The following SLCO1A2 variants were observed in gnomAD, a reference collection of about 807,000 sequenced individuals.
SLCO1A2 encodes solute carrier organic anion transporter family member 1A2, also known as OATP-1.
A neutral mutation model predicts 69.0 loss-of-function variants in SLCO1A2; 67 were observed. The ratio of observed to expected loss-of-function variants is 0.97; its 90% confidence interval spans 0.80 to 1.19. The LOEUF is 1.19. SLCO1A2 is among the 50% of genes most tolerant of loss of function. SLCO1A2 has a pLI of 0.00. For synonymous variants in SLCO1A2, 260 were observed against 265.9 expected (o/e 0.98, Z 0.22); for missense variants, 787 against 793.7 (o/e 0.99, Z 0.10).
At chr12:21,299,057 C>T (rs1271330547) in intron 8 of SLCO1A2, among the ~76,000 whole-genome samples, 1 of 148,730 alleles carries the variant, frequency 6.7e-6, no homozygotes, top group Non-Finnish European at 1.5e-5. Context: ...TTTACCTTCA[C>T]ACAACAATTC....
chr12:21,286,113 T>C (rs1945736386), intron 12 of SLCO1A2, among the ~76,000 whole-genome samples: 3 of 150,076 alleles, frequency 2.0e-5, no homozygotes, highest in Admixed American at 2.0e-4. Flanking sequence ...GAAAACCCCA[T>C]TGTCTCAGCC....
chr12:21,274,431 T>G, intron 14 of SLCO1A2, 38 bp downstream of exon 14: 2 of 1,363,686 alleles, frequency 1.5e-6, no homozygotes, highest in Non-Finnish European at 2.1e-6. Context: ...GCACAGTCTA[T>G]GCTTATAAAA....
upstream of SLCO1A2, among the ~76,000 whole-genome samples, chr12:21,398,826 C>A (rs201959576): frequency 7.1e-5 from 10 of 141,240 alleles, no homozygotes; most frequent in African/African-American, 1.6e-4. Flanking sequence ...ATTCAACAAC[C>A]CTTCATGCTA....
At chr12:21,339,657 C>T (rs915241713), upstream of SLCO1A2, among the ~76,000 whole-genome samples, 2 of 151,876 alleles carry the variant, frequency 1.3e-5, no homozygotes, top group African/African-American at 4.8e-5. Context: ...CAGAGATTTA[C>T]AGCAGTGGAA....
intron 4 of SLCO1A2, among the ~76,000 whole-genome samples, chr12:21,311,972 AAGGAGG>A (rs35997979): frequency 1.3e-5 from 2 of 150,898 alleles, no homozygotes; most frequent in South Asian, 2.1e-4. Flanking sequence ...GGAGAAGAAG[AAGGAGG>A]AGGAGGAGGA....
chr12:21,290,380 T>G (rs1946657363), intron 12 of SLCO1A2, among the ~76,000 whole-genome samples: 1 of 151,936 alleles, frequency 6.6e-6, no homozygotes, highest in South Asian at 2.1e-4. Flanking sequence ...AGATGGCAGG[T>G]GGGTGAGGCA....
chr12:21,296,429 G>A (rs187338466), intron 9 of SLCO1A2, among the ~76,000 whole-genome samples: 315 of 152,144 alleles, frequency 2.1e-3, no homozygotes, highest in African/African-American at 7.0e-3. Context: ...AAATTGCAGA[G>A]ACAAAGTCTT....
intron 14 of SLCO1A2, among the ~76,000 whole-genome samples, chr12:21,271,101 T>G (rs1364615600): frequency 2.0e-5 from 3 of 151,528 alleles, no homozygotes; most frequent in Non-Finnish European, 1.5e-5. Flanking sequence ...ACTTAACTAC[T>G]CTACTTGTAA....
chr12:21,316,779 C>T (rs963218494), intron 3 of SLCO1A2, among the ~76,000 whole-genome samples: 9 of 152,110 alleles, frequency 5.9e-5, no homozygotes, highest in Admixed American at 1.3e-4. Flanking sequence ...TTTTAGCAAA[C>T]GCCTACTTAC....
At chr12:21,275,292 A>G (rs2136103588) in intron 13 of SLCO1A2, 68 bp downstream of exon 13, 4 of 1,360,364 alleles carry the variant, frequency 2.9e-6, no homozygotes, top group African/African-American at 1.5e-5. Context: ...CTAAAACTTA[A>G]AGTGTAATAA....
At chr12:21,365,743 T>A (rs1034061199) in intron 2 of SLCO1A2, among the ~76,000 whole-genome samples, 2 of 152,088 alleles carry the variant, frequency 1.3e-5, no homozygotes, top group Non-Finnish European at 2.9e-5. Flanking sequence ...GTGAAGGATA[T>A]GAACAGACAC....
intron 2 of SLCO1A2, among the ~76,000 whole-genome samples, chr12:21,349,224 TA>T (rs1179245381): frequency 2.6e-5 from 4 of 152,004 alleles, no homozygotes; most frequent in Non-Finnish European, 5.9e-5. Context: ...TAGCTTGAGA[TA>T]TAAAGAGAAG....
intron 11 of SLCO1A2, among the ~76,000 whole-genome samples, chr12:21,293,447 T>G (rs1424210818): frequency 6.6e-6 from 1 of 152,144 alleles, no homozygotes; most frequent in Non-Finnish European, 1.5e-5. Context: ...AATATTACAA[T>G]TGATGTTATA....
chr12:21,407,779 C>A (rs1390149544), intron 1 of SLCO1A2, among the ~76,000 whole-genome samples: 1 of 150,488 alleles, frequency 6.6e-6, no homozygotes, highest in African/African-American at 2.5e-5. Flanking sequence ...TGTACCCCAA[C>A]CTGGGTGACA....
At chr12:21,324,575 A>C (rs1952057989) in intron 2 of SLCO1A2, 1 of 152,352 alleles carries the variant, frequency 6.6e-6, no homozygotes, top group East Asian at 1.9e-4. Context: ...CTATATTGTC[A>C]TAAAACCAGA....
At chr12:21,397,633 C>A (rs561696608), upstream of SLCO1A2, among the ~76,000 whole-genome samples, 1 of 151,990 alleles carries the variant, frequency 6.6e-6, no homozygotes, top group East Asian at 1.9e-4. Context: ...GTAAAGCTCT[C>A]CTCAGCAAAT....
At chr12:21,273,130 T>TAAAC (rs1272298182) in intron 14 of SLCO1A2, among the ~76,000 whole-genome samples, 1 of 152,124 alleles carries the variant, frequency 6.6e-6, no homozygotes, top group East Asian at 1.9e-4. Context: ...AGAACCCAGG[T>TAAAC]AAACATTGTA....
At chr12:21,309,953 CT>C (rs1394044467) in intron 4 of SLCO1A2, among the ~76,000 whole-genome samples, 2 of 152,104 alleles carry the variant, frequency 1.3e-5, no homozygotes, top group East Asian at 3.9e-4. Flanking sequence ...GACATTTGCC[CT>C]ACCAGTGGAG....
At chr12:21,398,140 GAA>G (rs1329258237), upstream of SLCO1A2, among the ~76,000 whole-genome samples, 2 of 127,962 alleles carry the variant, frequency 1.6e-5, no homozygotes, top group East Asian at 4.4e-4. Flanking sequence ...GACTAATAAA[GAA>G]AAAAAGAGAG....
Sources: gnomAD v4.1 joint callset for allele counts (sites outside exome capture counted in the v4.1 genomes callset) on GRCh38, gnomAD v4.1.1 for gene constraint, MANE v1.5 for transcripts, NCBI Gene and HGNC (gene_info 2026-07-23, HGNC 2026-07-21) for gene names.